Variants in ENOX1 observed in about 807,000 individuals in gnomAD.
ENOX1 encodes candidate growth-related and time keeping constitutive hydroquinone (NADH) oxidase.
In ENOX1, 42 loss-of-function variants were observed where a neutral mutation model predicts 82.5. The observed-to-expected ratio is 0.51, with a 90% confidence interval of 0.40 to 0.66. ENOX1 has a LOEUF of 0.66. Among genes scored for constraint, ENOX1 ranks in the 30% least tolerant of loss-of-function variants. The pLI is 0.00. For synonymous variants in ENOX1, 271 were observed against 282.2 expected (o/e 0.96, Z 0.40); for missense variants, 608 against 811.6 (o/e 0.75, Z 3.05).
At chr13:43,438,779 C>T (rs1403139847) in intron 3 of ENOX1, among the ~76,000 whole-genome samples, 1 of 152,092 alleles carries the variant, frequency 6.6e-6, no homozygotes, top group Non-Finnish European at 1.5e-5. Flanking sequence ...GTCTTCACCC[C>T]CAGGAGATTC....
intron 2 of ENOX1, among the ~76,000 whole-genome samples, chr13:43,501,772 A>G (rs187855086): frequency 8.5e-5 from 12 of 141,602 alleles, no homozygotes; most frequent in Non-Finnish European, 1.4e-4. Context: ...GGAATTTTAT[A>G]GTATAAACAC....
chr13:43,714,244 C>T (rs371831130), intron 1 of ENOX1, among the ~76,000 whole-genome samples: 17 of 151,564 alleles, frequency 1.1e-4, no homozygotes, highest in South Asian at 6.3e-4. Flanking sequence ...TTCTTAATCC[C>T]GAGTTCTAGT....
At chr13:43,709,613 G>A (rs750481226) in intron 1 of ENOX1, among the ~76,000 whole-genome samples, 1 of 151,510 alleles carries the variant, frequency 6.6e-6, no homozygotes, top group South Asian at 2.1e-4. Flanking sequence ...ATGAGGAGGA[G>A]AGAAGGAGGG....
At chr13:43,303,168 G>A (rs1468413468) in intron 11 of ENOX1, among the ~76,000 whole-genome samples, 1 of 152,182 alleles carries the variant, frequency 6.6e-6, no homozygotes, top group Non-Finnish European at 1.5e-5. Context: ...TACCCAGGAA[G>A]GCAGTTGTAC....
In ENOX1 at chr13:43,786,477, CCCCCACG is replaced by C. The variant is rs1952634746; in HGVS notation, c.-285+168_-285+174del. ...GAAGGGCGTGGGGGCTGCACCGAAGCCCCCACGCGTCCACGCACCCCTCCTCACCAGC... is the reference window on the plus strand; with the variant it reads ...GAAGGGCGTGGGGGCTGCACCGAAGCCGTCCACGCACCCCTCCTCACCAGC... On this transcript the variant is annotated intron_variant, in intron 1 of 16. Transcript: ENST00000690772. This position sits in a 1 kb window ranked among gnomAD's most constrained non-coding sequence, Gnocchi z 6.0. Among the ~76,000 whole-genome samples the C allele has an allele frequency of 6.6e-6, 1 of 151,786 alleles. No homozygotes were observed. The highest frequency in any genetic ancestry group is 1.5e-5 in the Non-Finnish European group (1 of 67,862).
At chr13:43,355,165 A>G (rs1050107714) in intron 8 of ENOX1, among the ~76,000 whole-genome samples, 2 of 152,152 alleles carry the variant, frequency 1.3e-5, no homozygotes, top group African/African-American at 2.4e-5. Flanking sequence ...AGCTCACACA[A>G]CTTTGGTCAG....
At chr13:43,774,499 C>T (rs1594764034) in intron 1 of ENOX1, among the ~76,000 whole-genome samples, 1 of 152,176 alleles carries the variant, frequency 6.6e-6, no homozygotes. Flanking sequence ...CAATCTTGCA[C>T]TTGTATTAAC....
intron 5 of ENOX1, among the ~76,000 whole-genome samples, chr13:43,382,185 C>G (rs961037158): frequency 6.6e-6 from 1 of 151,948 alleles, no homozygotes; most frequent in African/African-American, 2.4e-5. Flanking sequence ...CCCAGAGATA[C>G]AAGGTTGGTT....
intron 3 of ENOX1, among the ~76,000 whole-genome samples, chr13:43,440,757 T>C (rs2056315763): frequency 6.6e-6 from 1 of 152,204 alleles, no homozygotes. Context: ...TATACATATG[T>C]ATAAAAGTGT....
chr13:43,341,700 G>A (rs2049072354), intron 9 of ENOX1, among the ~76,000 whole-genome samples: 2 of 152,198 alleles, frequency 1.3e-5, no homozygotes, highest in Admixed American at 6.5e-5. Flanking sequence ...TAGAGTAGAA[G>A]TAGAAAGGGA....
intron 5 of ENOX1, among the ~76,000 whole-genome samples, chr13:43,401,655 C>T (rs1013284866): frequency 1.3e-5 from 2 of 152,104 alleles, no homozygotes; most frequent in African/African-American, 4.8e-5. Context: ...AAGGCTGGGG[C>T]AAAAGCCACA....
chr13:43,776,058 T>C (rs1951899174), intron 1 of ENOX1, among the ~76,000 whole-genome samples: 1 of 152,182 alleles, frequency 6.6e-6, no homozygotes, highest in Non-Finnish European at 1.5e-5. Context: ...AGGCTGATAA[T>C]ACTATAAAAA....
intron 1 of ENOX1, among the ~76,000 whole-genome samples, chr13:43,678,251 A>C (rs992168728): frequency 6.6e-6 from 1 of 152,210 alleles, no homozygotes; most frequent in Non-Finnish European, 1.5e-5. Context: ...ATGTCTAGTT[A>C]ATATTCTATA....
Position 43,596,023 on chromosome 13 carries a change from C to T in ENOX1, c.-219+71456G>A, listed in dbSNP as rs537814500. Among the ~76,000 whole-genome samples the T allele has an allele frequency of 1.4e-4, 22 of 152,260 alleles. No homozygotes were observed. The East Asian group carries it at 4.1e-3, about 28-fold the overall frequency. ...GGAAAGGCAACTGAGTTTTCATATA[C>T]GGCTTAAAAATACAAACTTCAGAAA... is the stretch of plus-strand genomic sequence containing the variant. On this transcript the variant is annotated intron_variant, in intron 2 of 16. Coordinates refer to ENST00000690772, the MANE Select transcript of ENOX1 (RefSeq NM_001347969.2).
chr13:43,274,771 A>G (rs961652444), intron 12 of ENOX1, among the ~76,000 whole-genome samples: 1 of 152,248 alleles, frequency 6.6e-6, no homozygotes, highest in Non-Finnish European at 1.5e-5. Flanking sequence ...GCGGACCATA[A>G]GCAGGTAAAT....
At position 43,441,770 on chromosome 13, in the gene ENOX1, T is replaced by C. The variant is rs369230035; in HGVS notation, c.-74-28782A>G. ...TGATCCCAAGAACCAGTAATAAAAG[T>C]TGGACAAGATCTCACAATGAAGTGG... is the stretch of plus-strand genomic sequence containing the variant. On this transcript the variant is annotated intron_variant, in intron 3 of 16. Coordinates refer to ENST00000690772, the MANE Select transcript of ENOX1 (RefSeq NM_001347969.2). Among the ~76,000 whole-genome samples the C allele has an allele frequency of 6.6e-5, 10 of 151,944 alleles. 1 individual carries two copies. The East Asian group carries it at 1.4e-3, about 21-fold the overall frequency.
chr13:43,778,567 G>C (rs1952061105), intron 1 of ENOX1, among the ~76,000 whole-genome samples: 1 of 149,618 alleles, frequency 6.7e-6, no homozygotes, highest in African/African-American at 2.5e-5. Flanking sequence ...AAGAGCAAGG[G>C]GGGAAAAATC....
intron 2 of ENOX1, among the ~76,000 whole-genome samples, chr13:43,504,601 A>T (rs1045552565): frequency 2.6e-5 from 4 of 151,700 alleles, no homozygotes; most frequent in African/African-American, 9.7e-5. Context: ...TACTAATATG[A>T]GGAATCTAAA....
intron 2 of ENOX1, among the ~76,000 whole-genome samples, chr13:43,532,286 A>T (rs2078264001): frequency 6.6e-6 from 1 of 152,114 alleles, no homozygotes; most frequent in Admixed American, 6.6e-5. Flanking sequence ...CTATAATGTT[A>T]ATAACAATTC....
Sources: allele counts gnomAD v4.1 joint callset (sites outside exome capture counted in the v4.1 genomes callset), GRCh38; gene constraint gnomAD v4.1.1; non-coding constraint Gnocchi (gnomAD v3.1); transcripts MANE v1.5; gene names NCBI Gene and HGNC (gene_info 2026-07-23, HGNC 2026-07-21).